SLC24A4: variants seen among roughly 807,000 people sequenced by gnomAD.
The protein encoded by SLC24A4 is sodium/potassium/calcium exchanger 4.
In SLC24A4, 53 loss-of-function variants were observed where a neutral mutation model predicts 79.0. The ratio of observed to expected loss-of-function variants is 0.67; its 90% CI spans 0.54 to 0.84. SLC24A4 has a LOEUF of 0.84. SLC24A4 is among the 40% of genes least tolerant of loss of function. SLC24A4 has a pLI of 0.00. For missense variants in SLC24A4, 731 were observed against 822.0 expected, an observed-to-expected ratio of 0.89 and a Z score of 1.35; for synonymous variants, 323 against 323.8, an observed-to-expected ratio of 1.00 and a Z score of 0.03.
rs1165164288 is a variant in SLC24A4, at chr14:92,493,364, C to A, written c.1717-112C>A. The A allele has an allele frequency of 2.3e-6, 3 of 1,309,526 alleles. No homozygotes were observed. In the East Asian group the frequency reaches 7.3e-5, roughly 32 times the overall value. The allele number at this position is 1,309,526 out of a possible 1,614,324, so 81.1% of individuals were successfully genotyped here. On this transcript the variant is annotated intron_variant, in intron 16 of 16. Transcript: ENST00000532405. ...GACTGCAGCACCCCGCTACACTTGCCCACATTCTGCAGAATGTTCTAGGTT... is the reference window on the plus strand; with the variant it reads ...GACTGCAGCACCCCGCTACACTTGCACACATTCTGCAGAATGTTCTAGGTT...
At chr14:92,419,251 C>T (rs578235597) in intron 2 of SLC24A4, among the ~76,000 whole-genome samples, 3 of 152,286 alleles carry the variant, frequency 2.0e-5, no homozygotes, top group East Asian at 3.9e-4. Context: ...AGAGCTAGAG[C>T]GTGCCAGAGG....
chr14:92,346,185 C>T (rs972451214), intron 2 of SLC24A4, among the ~76,000 whole-genome samples: 7 of 152,166 alleles, frequency 4.6e-5, no homozygotes, highest in African/African-American at 1.7e-4. Context: ...TGAAACATTT[C>T]CTTTTCTTTT....
chr14:92,424,123 C>G (rs1891440977), intron 2 of SLC24A4, among the ~76,000 whole-genome samples: 1 of 151,448 alleles, frequency 6.6e-6, no homozygotes, highest in Non-Finnish European at 1.5e-5. Context: ...CTAAGACCAC[C>G]AATCATTGGA....
At chr14:92,469,464 G>A (rs572947311) in intron 12 of SLC24A4, among the ~76,000 whole-genome samples, 3 of 151,536 alleles carry the variant, frequency 2.0e-5, no homozygotes, top group South Asian at 2.1e-4. Context: ...AGCCGAGATC[G>A]CGCCACTGCA....
intron 2 of SLC24A4, among the ~76,000 whole-genome samples, chr14:92,358,963 G>A (rs1311700176): frequency 6.6e-6 from 1 of 151,978 alleles, no homozygotes; most frequent in Non-Finnish European, 1.5e-5. Context: ...TGGGATTACA[G>A]GTGTGAGCCA....
chr14:92,489,485 G>A (rs1392539860), intron 14 of SLC24A4, among the ~76,000 whole-genome samples: 1 of 152,122 alleles, frequency 6.6e-6, no homozygotes, highest in Non-Finnish European at 1.5e-5. Flanking sequence ...CCTGTTCAGA[G>A]CCTGCTGTAC....
intron 2 of SLC24A4, among the ~76,000 whole-genome samples, chr14:92,339,378 C>G (rs1171806916): frequency 6.6e-6 from 1 of 152,220 alleles, no homozygotes; most frequent in Non-Finnish European, 1.5e-5. Context: ...GGAGTAGACA[C>G]TTGGGTAGCA....
chr14:92,454,237 GA>G (rs1326901955), intron 11 of SLC24A4, among the ~76,000 whole-genome samples, 168 bp downstream of exon 11: 6 of 152,230 alleles, frequency 3.9e-5, no homozygotes, highest in Non-Finnish European at 7.3e-5. Context: ...ATCCTTTGAA[GA>G]GATATTTTAA....
chr14:92,481,089 C>T (rs548112854), intron 12 of SLC24A4, among the ~76,000 whole-genome samples: 22 of 152,290 alleles, frequency 1.4e-4, no homozygotes, highest in Non-Finnish European at 2.4e-4. Context: ...AACACTCAGG[C>T]GGGTAGTTCA....
chr14:92,448,345 TACACACACACACAC>T lies in SLC24A4; in HGVS notation c.738-707_738-694del, dbSNP rs71877757. On this transcript the variant is annotated intron_variant, in intron 9 of 16. Coordinates refer to ENST00000532405, the MANE Select transcript of SLC24A4 (RefSeq NM_153646.4). Reference sequence around the variant, plus strand: ...TGACATATATTTTTTTCCCACTACATACACACACACACACACACACACACACACACACACAAATC... The same window carrying T: ...TGACATATATTTTTTTCCCACTACATACACACACACACACACACACAAATC... 1.6e-3 allele frequency among the ~76,000 whole-genome samples: 214 copies of T among 132,054 alleles called. 1 individual carries two copies. Among genetic ancestry groups the T allele is most frequent in the African/African-American group, 5.9e-3 (203 of 34,162 alleles). 86.6% of individuals were successfully genotyped at this position (132,054 alleles called of 152,430 possible). A position where few individuals can be genotyped will look rare whatever the true frequency, so the allele number is the denominator to read the frequency against.
chr14:92,489,007 C>T (rs747845598), intron 14 of SLC24A4, among the ~76,000 whole-genome samples: 13 of 152,126 alleles, frequency 8.5e-5, no homozygotes, highest in Non-Finnish European at 1.9e-4. Context: ...TCTGAAGCAG[C>T]ACATCATCTC....
intron 2 of SLC24A4, among the ~76,000 whole-genome samples, chr14:92,400,241 A>G (rs12589315): frequency 6.6e-6 from 1 of 151,924 alleles, no homozygotes; most frequent in Non-Finnish European, 1.5e-5. Context: ...GAGATCGAGA[A>G]CATCCAGGCC....
At chr14:92,379,550 C>T (rs1042884181) in intron 2 of SLC24A4, among the ~76,000 whole-genome samples, 2 of 152,076 alleles carry the variant, frequency 1.3e-5, no homozygotes, top group African/African-American at 4.8e-5. Flanking sequence ...GCAGGAAGCG[C>T]CCCTGCCCCC....
intron 2 of SLC24A4, among the ~76,000 whole-genome samples, chr14:92,337,733 A>C (rs1210678331): frequency 6.6e-6 from 1 of 152,188 alleles, no homozygotes; most frequent in Non-Finnish European, 1.5e-5. Flanking sequence ...GCTTGTACAC[A>C]CATATGTGCT....
intron 2 of SLC24A4, among the ~76,000 whole-genome samples, chr14:92,432,532 A>G (rs1451185200): frequency 2.0e-5 from 3 of 152,172 alleles, no homozygotes; most frequent in African/African-American, 7.2e-5. Flanking sequence ...CTTGGCCTCA[A>G]CAATGCCGAG....
At chr14:92,480,630 T>C (rs1217634076) in intron 12 of SLC24A4, among the ~76,000 whole-genome samples, 1 of 152,216 alleles carries the variant, frequency 6.6e-6, no homozygotes, top group Non-Finnish European at 1.5e-5. Context: ...CGGCTATGCA[T>C]TCCTAAGTAC....
At chr14:92,386,352 A>G (rs1185440351) in intron 2 of SLC24A4, among the ~76,000 whole-genome samples, 3 of 152,132 alleles carry the variant, frequency 2.0e-5, no homozygotes, top group Non-Finnish European at 4.4e-5. Flanking sequence ...AAATGGGACC[A>G]TAACAGACCT....
intron 2 of SLC24A4, among the ~76,000 whole-genome samples, chr14:92,349,505 C>T (rs990613822): frequency 2.6e-5 from 4 of 152,166 alleles, no homozygotes; most frequent in African/African-American, 4.8e-5. Context: ...TTTTAGACTA[C>T]AGTTTTTGAG....
At chr14:92,361,919 A>G (rs8013901) in intron 2 of SLC24A4, among the ~76,000 whole-genome samples, 152,197 of 152,252 alleles carry the variant, frequency 1, 76,072 homozygotes, top group Middle Eastern at 1. Context: ...ATGGCATCTC[A>G]AAGGGGAGGC....
Sources: allele counts gnomAD v4.1 joint callset (sites outside exome capture counted in the v4.1 genomes callset), GRCh38; gene constraint gnomAD v4.1.1; transcripts MANE v1.5; gene names NCBI Gene and HGNC (gene_info 2026-07-23, HGNC 2026-07-21).